The following GPR158 variants were observed in gnomAD, a reference collection of about 807,000 sequenced individuals.
GPR158 encodes metabotropic glycine receptor.
GPR158 carries 30 observed loss-of-function variants against 78.2 expected under a neutral mutation model. The observed-to-expected ratio is 0.38, with a 90% CI of 0.29 to 0.52. The LOEUF is 0.52. Among genes scored for constraint, GPR158 ranks in the 20% least tolerant of loss-of-function variants. The pLI is 0.83. For synonymous variants in GPR158, 581 were observed against 591.1 expected, an observed-to-expected ratio of 0.98 and a Z score of 0.25; for missense variants, 1,463 against 1,523.5, an observed-to-expected ratio of 0.96 and a Z score of 0.66.
intron 4 of GPR158, among the ~76,000 whole-genome samples, chr10:25,426,918 G>A (rs1280998447): frequency 6.6e-6 from 1 of 152,156 alleles, no homozygotes; most frequent in Admixed American, 6.5e-5. Context: ...GCTAGTATGA[G>A]TTTTACTTAC....
intron 9 of GPR158, among the ~76,000 whole-genome samples, chr10:25,595,899 A>G (rs186293978): frequency 1.2e-3 from 189 of 152,342 alleles, no homozygotes; most frequent in African/African-American, 4.4e-3. Flanking sequence ...TGTGAATTCT[A>G]TCTCAATAAA....
intron 2 of GPR158, among the ~76,000 whole-genome samples, chr10:25,342,221 T>G (rs1855313011): frequency 6.7e-6 from 1 of 149,530 alleles, no homozygotes. Context: ...ATCTGGCTCT[T>G]TAAATACTGA....
chr10:25,221,064 A>G lies in GPR158; in HGVS notation c.915A>G (p.Lys305=). ...TTTCTATTTCTAGGGGTGTCATGAA[A>G]GTTGACATAAATCTTCAGAAAGTGG... is the stretch of plus-strand genomic sequence containing the variant. ...NLVPEFRGVM[K]VDINLQKVDI... The change falls in exon 2 of 11, where the codon AAA becomes AAG. Residue 305 remains lysine (K), a synonymous_variant. Coordinates refer to ENST00000376351, the MANE Select transcript of GPR158 (RefSeq NM_020752.3). 6.4e-7 allele frequency: 1 copy of G among 1,558,230 alleles called. No individual in the cohort carries two copies. Among genetic ancestry groups the G allele is most frequent in the Non-Finnish European group, 8.8e-7 (1 of 1,133,098 alleles).
At chr10:25,574,346 G>A (rs1473065495) in intron 7 of GPR158, among the ~76,000 whole-genome samples, 1 of 151,998 alleles carries the variant, frequency 6.6e-6, no homozygotes, top group Admixed American at 6.6e-5. Context: ...ATAATCGATA[G>A]TAACCTGTAT....
chr10:25,242,537 T>G (rs1017454414), intron 2 of GPR158, among the ~76,000 whole-genome samples: 1 of 152,178 alleles, frequency 6.6e-6, no homozygotes, highest in African/African-American at 2.4e-5. Flanking sequence ...GTTAGGAAAT[T>G]TATTTATTAG....
chr10:25,531,836 T>G (rs1836427803), intron 5 of GPR158, among the ~76,000 whole-genome samples: 1 of 152,154 alleles, frequency 6.6e-6, no homozygotes, highest in African/African-American at 2.4e-5. Context: ...GCTTTCCACA[T>G]GAGGGAGGAG....
In GPR158 at chr10:25,544,894, T is replaced by TC. The variant is rs968091258; in HGVS notation, c.1405-6078dup. Among the ~76,000 whole-genome samples the TC allele has an allele frequency of 4.5e-4, 68 of 152,184 alleles. 2 individuals carry two copies. The highest frequency in any genetic ancestry group is 1.6e-3 in the African/African-American group (65 of 41,526). On this transcript the variant is annotated intron_variant, in intron 5 of 10. Transcript: ENST00000376351. ...CCTGACAGGCCCTGGTGTATGATAC[T>TC]CCCCTCTCTGTGTCCATGTGTTCTC... is the stretch of plus-strand genomic sequence containing the variant.
At chr10:25,480,219 T>C (rs1835647318) in intron 5 of GPR158, among the ~76,000 whole-genome samples, 1 of 152,228 alleles carries the variant, frequency 6.6e-6, no homozygotes, top group African/African-American at 2.4e-5. Flanking sequence ...ATGTCCCTTT[T>C]GTTAACATTC....
rs148497748 is a variant in GPR158, at chr10:25,201,861, C to A, written c.903-19191C>A. 9.1e-4 allele frequency among the ~76,000 whole-genome samples: 138 copies of A among 152,074 alleles called. 6 individuals carry two copies. The highest frequency in any genetic ancestry group is 3.2e-3 in the African/African-American group (133 of 41,452). ...GATAGATGAGCTTCTTGATATGCTG[C>A]TGGATTTGGTTTGCTAGTATTTTGT... On this transcript the variant is annotated intron_variant, in intron 1 of 10. Coordinates refer to ENST00000376351, the MANE Select transcript of GPR158 (RefSeq NM_020752.3).
At chr10:25,323,723 G>T (rs554823648) in intron 2 of GPR158, among the ~76,000 whole-genome samples, 2 of 147,838 alleles carry the variant, frequency 1.4e-5, no homozygotes, top group African/African-American at 5.1e-5. Flanking sequence ...TTTCTATGTT[G>T]CCCATGCTGG....
intron 2 of GPR158, among the ~76,000 whole-genome samples, chr10:25,374,446 C>T (rs10764535): frequency 0.65 from 97,709 of 151,344 alleles, 32,488 homozygotes; most frequent in Non-Finnish European, 0.73. Context: ...CATTTATGTA[C>T]ATGTGTGCAC....
intron 5 of GPR158, among the ~76,000 whole-genome samples, chr10:25,516,233 T>C (rs1303496837): frequency 1.3e-5 from 2 of 150,800 alleles, no homozygotes; most frequent in African/African-American, 4.9e-5. Flanking sequence ...TTTTTTCTTG[T>C]AAATTTGTTT....
At chr10:25,461,567 A>G (rs933693501) in intron 4 of GPR158, among the ~76,000 whole-genome samples, 3 of 152,184 alleles carry the variant, frequency 2.0e-5, no homozygotes, top group African/African-American at 4.8e-5. Context: ...AGCCATCTCT[A>G]TAACATAAAA....
chr10:25,597,388 G>A (rs2130755399), intron 10 of GPR158, among the ~76,000 whole-genome samples: 1 of 152,308 alleles, frequency 6.6e-6, no homozygotes, highest in South Asian at 2.1e-4. Context: ...CTCACAACTT[G>A]AATGTACAAA....
chr10:25,462,100 T>C (rs1459894813), intron 4 of GPR158, among the ~76,000 whole-genome samples: 3 of 152,144 alleles, frequency 2.0e-5, no homozygotes, highest in Admixed American at 6.5e-5. Context: ...AAAGGAAAGA[T>C]TGACCTTTTT....
intron 3 of GPR158, among the ~76,000 whole-genome samples, chr10:25,409,613 T>G (rs887199372): frequency 6.6e-6 from 1 of 152,180 alleles, no homozygotes; most frequent in Non-Finnish European, 1.5e-5. Flanking sequence ...TTACCTCTAC[T>G]TTTTTCCAGT....
At chr10:25,211,325 A>G (rs1853126814) in intron 1 of GPR158, among the ~76,000 whole-genome samples, 1 of 152,152 alleles carries the variant, frequency 6.6e-6, no homozygotes, top group East Asian at 1.9e-4. Flanking sequence ...GCTCACAATA[A>G]ATGATTAGAA....
intron 4 of GPR158, among the ~76,000 whole-genome samples, chr10:25,435,497 A>G (rs964007305): frequency 6.6e-6 from 1 of 152,156 alleles, no homozygotes; most frequent in African/African-American, 2.4e-5. Flanking sequence ...GAAGGCACCC[A>G]AGTGTGAAGC....
Position 25,203,777 on chromosome 10 carries a change from T to C in GPR158, c.903-17275T>C, listed in dbSNP as rs985516048. Among the ~76,000 whole-genome samples, 20 of 145,028 alleles carry C rather than the reference T, an allele frequency of 1.4e-4. 3 individuals carry two copies. The highest frequency in any genetic ancestry group is 4.7e-4 in the African/African-American group (18 of 38,034). ...TTCCATATGAACTTTAAAGTAGTTT[T>C]TTTTCAAATTCTGTGAAGAAAGTCA... On this transcript the variant is annotated intron_variant, in intron 1 of 10. Transcript: ENST00000376351.
Sources: gnomAD v4.1 joint callset for allele counts (sites outside exome capture counted in the v4.1 genomes callset) on GRCh38, gnomAD v4.1.1 for gene constraint, MANE v1.5 for transcripts, NCBI Gene and HGNC (gene_info 2026-07-23, HGNC 2026-07-21) for gene names.